TPCN1: variants seen among roughly 807,000 people sequenced by gnomAD.
The protein encoded by TPCN1 is two pore segment channel 1, also known as two pore channel protein 1.
Under a neutral mutation model 108.8 loss-of-function variants are expected in TPCN1, and 52 were observed. That is an observed-to-expected ratio of 0.48 (90% CI 0.38 to 0.60). TPCN1 has a LOEUF of 0.60. Among genes scored for constraint, TPCN1 ranks in the 20% least tolerant of loss-of-function variants. The probability of loss-of-function intolerance (pLI) is 0.00; values close to 1 mark genes in which losing one functional copy is unlikely to be tolerated. For missense variants in TPCN1, 806 were observed against 1,072.8 expected (o/e 0.75, Z 3.47); for synonymous variants, 446 against 433.7 (o/e 1.03, Z -0.35).
At chr12:113,224,375 C>T (rs529177250) in intron 1 of TPCN1, among the ~76,000 whole-genome samples, 2 of 152,312 alleles carry the variant, frequency 1.3e-5, no homozygotes, top group African/African-American at 2.4e-5. Context: ...ATACATAGTA[C>T]GCACTCATTG....
intron 1 of TPCN1, 107 bp from the exon 2 acceptor site, chr12:113,226,621 T>A: frequency 2.1e-6 from 2 of 948,736 alleles, no homozygotes; most frequent in Non-Finnish European, 3.1e-6. Context: ...GTGGTTTTTA[T>A]TCACGAGGTT....
chr12:113,231,187 G>T lies in TPCN1; in HGVS notation c.112+4223G>T, dbSNP rs1045684700. On this transcript the variant is annotated intron_variant, in intron 2 of 27. Transcript: ENST00000335509. This position sits in a 1 kb window ranked among gnomAD's most constrained non-coding sequence, Gnocchi z 4.3. ...GGCCTTCTCAGCACTGTACCTCCAC[G>T]CTCCATGTCTGGTTGGGCACCCCTA... Among the ~76,000 whole-genome samples the T allele has an allele frequency of 6.6e-6, 1 of 152,190 alleles. No individual in the cohort carries two copies. The highest frequency in any genetic ancestry group is 1.5e-5 in the Non-Finnish European group (1 of 68,040).
Position 113,268,912 on chromosome 12 carries a change from C to T in TPCN1, c.659+40C>T, listed in dbSNP as rs760303547. ...GGGAGCTGGGCAGTCACTATCCTGG[C>T]ATGGCCTGACCTCTGGGCCAGTGGG... On this transcript the variant is annotated intron_variant, in intron 6 of 27. Coordinates refer to ENST00000335509, the MANE Select transcript of TPCN1 (RefSeq NM_017901.6). The surrounding 1 kb of genome is among the most constrained non-coding windows in gnomAD (Gnocchi z 7.3). 6.2e-7 allele frequency: 1 copy of T among 1,611,640 alleles called. No homozygotes were observed. Among genetic ancestry groups the T allele is most frequent in the Non-Finnish European group, 8.5e-7 (1 of 1,179,014 alleles).
chr12:113,298,563 TAA>T lies in TPCN1; in HGVS notation c.*2490_*2491del, dbSNP rs1441981345. The T allele has an allele frequency of 3.3e-5, 5 of 152,310 alleles. No individual in the cohort carries two copies. Among genetic ancestry groups the T allele is most frequent in the Admixed American group, 3.3e-4 (5 of 15,290 alleles). 9.4% of individuals were successfully genotyped at this position (152,310 alleles called of 1,614,324 possible). On this transcript the variant is annotated 3_prime_UTR_variant, in exon 28 of 28. Transcript: ENST00000335509. ...TGTCTCTGGATTTCTAGCACATTAC[TAA>T]AAGAGCCTCTGCTTTGTAAACATGG...
At chr12:113,243,208 A>G (rs1954217978) in intron 2 of TPCN1, among the ~76,000 whole-genome samples, 1 of 151,914 alleles carries the variant, frequency 6.6e-6, no homozygotes. Flanking sequence ...CATCTCTACT[A>G]AAAATACAAA....
chr12:113,267,782 C>A, intron 4 of TPCN1, 61 bp from the exon 5 acceptor site: 1 of 1,181,840 alleles, frequency 8.5e-7, no homozygotes, highest in Non-Finnish European at 1.3e-6. Context: ...GAGGGTTGGG[C>A]AAAGAGGAGT....
intron 25 of TPCN1, 66 bp from the exon 26 acceptor site, chr12:113,292,868 C>T (rs1034751781): frequency 1.9e-5 from 29 of 1,563,780 alleles, no homozygotes; most frequent in Middle Eastern, 2.3e-4. Flanking sequence ...CAAGGAGGTA[C>T]GAGACCCAGC....
In TPCN1 at chr12:113,267,963, T is replaced by C. The variant is rs757768186; in HGVS notation, c.528+7T>C. 1.3e-6 allele frequency: 2 copies of C among 1,590,384 alleles called. No homozygotes were observed. The highest frequency in any genetic ancestry group is 1.7e-6 in the Non-Finnish European group (2 of 1,160,672). ...CAAGCGGACCATGGTCAAGGTGATG[T>C]GTCCGCCCATCTGTCCCTCCCCTCA... On this transcript the variant is annotated splice_region_variant and intron_variant, in intron 5 of 27. Transcript: ENST00000335509.
In TPCN1 at chr12:113,296,247, T is replaced by A. The variant is rs991712083; in HGVS notation, c.*171T>A. ...TGGTTTATAACCACCTTGCCCTGTCTTCCTTAACTCCAGAAGCCAGTTTGG... is the reference window on the plus strand; with the variant it reads ...TGGTTTATAACCACCTTGCCCTGTCATCCTTAACTCCAGAAGCCAGTTTGG... On this transcript the variant is annotated 3_prime_UTR_variant, in exon 28 of 28. Transcript: ENST00000335509. 9.1e-7 allele frequency: 1 copy of A among 1,093,124 alleles called. No individual in the cohort carries two copies. Among genetic ancestry groups the A allele is most frequent in the African/African-American group, 1.6e-5 (1 of 63,712 alleles). 67.7% of individuals were successfully genotyped at this position (1,093,124 alleles called of 1,614,324 possible).
In TPCN1 at chr12:113,226,747, A is replaced by C; in HGVS notation, c.-106A>C. 6.3e-7 allele frequency: 1 copy of C among 1,575,590 alleles called. No individual in the cohort carries two copies. The highest frequency in any genetic ancestry group is 2.3e-5 in the East Asian group (1 of 42,882). On this transcript the variant is annotated 5_prime_UTR_variant, in exon 2 of 28. Coordinates refer to ENST00000335509, the MANE Select transcript of TPCN1 (RefSeq NM_017901.6). ...CCCTAGAAGATGCCTCTAATGGAGG[A>C]GTTTCTGAGCAGCACCCCTGGCCCA... is the stretch of plus-strand genomic sequence containing the variant.
At chr12:113,261,413 T>C (rs1250019397) in intron 3 of TPCN1, among the ~76,000 whole-genome samples, 1 of 72,472 alleles carries the variant, frequency 1.4e-5, no homozygotes, top group Admixed American at 1.2e-4. Context: ...TAGCATAAGC[T>C]TTTTTTTTTT....
rs1175330192 is a variant in TPCN1 at position 113,289,886 on chromosome 12, G to C, written c.1797-242G>C. Among the ~76,000 whole-genome samples, 1 of 152,220 alleles carries C rather than the reference G, an allele frequency of 6.6e-6. No individual in the cohort carries two copies. Among genetic ancestry groups the C allele is most frequent in the Non-Finnish European group, 1.5e-5 (1 of 68,036 alleles). ...CCCTGCCTGCAGCAGACAACTTCCA[G>C]GTGACAGAGGTGGGTCAGGCTGGCC... On this transcript the variant is annotated intron_variant, in intron 21 of 27. Coordinates refer to ENST00000335509, the MANE Select transcript of TPCN1 (RefSeq NM_017901.6). This position sits in a 1 kb window ranked among gnomAD's most constrained non-coding sequence, Gnocchi z 4.1.
At position 113,284,919 on chromosome 12, in the gene TPCN1, T is replaced by A; in HGVS notation, c.1453+148T>A. 1.1e-6 allele frequency: 1 copy of A among 937,568 alleles called. No homozygotes were observed. The highest frequency in any genetic ancestry group is 1.6e-6 in the Non-Finnish European group (1 of 609,400). 58.1% of individuals were successfully genotyped at this position (937,568 alleles called of 1,614,324 possible). ...AGTCTGATTCCATCTCGTCCCCGTT[T>A]AAAACTCTTTCGTGGTTGTCCGCTG... is the stretch of plus-strand genomic sequence containing the variant. On this transcript the variant is annotated intron_variant, in intron 17 of 27. Coordinates refer to ENST00000335509, the MANE Select transcript of TPCN1 (RefSeq NM_017901.6). The surrounding 1 kb of genome is among the most constrained non-coding windows in gnomAD (Gnocchi z 4.1).
chr12:113,255,068 G>A (rs1165913741), intron 2 of TPCN1, among the ~76,000 whole-genome samples: 2 of 152,198 alleles, frequency 1.3e-5, no homozygotes, highest in South Asian at 2.1e-4. Context: ...CAAGAAAAAC[G>A]AAAGGCATCT....
intron 22 of TPCN1, among the ~76,000 whole-genome samples, chr12:113,290,717 G>C (rs1956239612): frequency 6.6e-6 from 1 of 152,224 alleles, no homozygotes; most frequent in South Asian, 2.1e-4. Flanking sequence ...GTCTGATGTG[G>C]CACAGGCTGC....
chr12:113,274,965 T>C (rs1390075210), intron 10 of TPCN1, among the ~76,000 whole-genome samples: 1 of 152,166 alleles, frequency 6.6e-6, no homozygotes, highest in Non-Finnish European at 1.5e-5. Context: ...ACGTAAAGCC[T>C]CTGTGCTCAA....
intron 2 of TPCN1, among the ~76,000 whole-genome samples, chr12:113,246,491 T>C (rs1194199298): frequency 6.6e-6 from 1 of 152,204 alleles, no homozygotes; most frequent in Non-Finnish European, 1.5e-5. Context: ...GAAACCTGCA[T>C]GTGGAGCTTG....
At chr12:113,292,311 T>C (rs573046538) in intron 25 of TPCN1, 3 of 301,908 alleles carry the variant, frequency 9.9e-6, no homozygotes, top group South Asian at 7.8e-5. Flanking sequence ...CATCTCCACG[T>C]TTCTCAATAA....
At chr12:113,251,744 A>G (rs1954643714) in intron 2 of TPCN1, among the ~76,000 whole-genome samples, 1 of 152,218 alleles carries the variant, frequency 6.6e-6, no homozygotes, top group Admixed American at 6.5e-5. Flanking sequence ...GCCAGCTCTA[A>G]AGATCCTCTC....
Sources: gnomAD v4.1 joint callset for allele counts (sites outside exome capture counted in the v4.1 genomes callset) on GRCh38, gnomAD v4.1.1 for gene constraint, Gnocchi (gnomAD v3.1) non-coding constraint, MANE v1.5 for transcripts, NCBI Gene and HGNC (gene_info 2026-07-23, HGNC 2026-07-21) for gene names.